NREP: variants seen among roughly 807,000 people sequenced by gnomAD.
The protein encoded by NREP is neuronal regeneration-related protein.
Under a neutral mutation model 8.6 loss-of-function variants are expected in NREP, and 5 were observed. The observed-to-expected ratio is 0.58, with a 90% CI of 0.30 to 1.22. NREP has a LOEUF of 1.22. Among genes scored for constraint, NREP ranks in the 50% most tolerant of loss-of-function variants. The probability of loss-of-function intolerance (pLI) is 0.07; values close to 1 mark genes in which losing one functional copy is unlikely to be tolerated. For missense variants in NREP, 86 were observed against 82.5 expected, an observed-to-expected ratio of 1.04 and a Z score of -0.17; for synonymous variants, 27 against 28.0, an observed-to-expected ratio of 0.96 and a Z score of 0.11.
intron 2 of NREP, among the ~76,000 whole-genome samples, chr5:111,768,478 C>T (rs1751137467): frequency 6.6e-6 from 1 of 152,164 alleles, no homozygotes; most frequent in African/African-American, 2.4e-5. Flanking sequence ...GTAATGAGCA[C>T]AGTACCTTAA....
intron 2 of NREP, among the ~76,000 whole-genome samples, chr5:111,798,343 G>A (rs1458362515): frequency 6.6e-6 from 1 of 152,006 alleles, no homozygotes; most frequent in Non-Finnish European, 1.5e-5. Context: ...ATAATTTCCT[G>A]GAAAATTTGG....
intron 2 of NREP, among the ~76,000 whole-genome samples, chr5:111,801,512 T>G (rs1752007379): frequency 6.6e-6 from 1 of 152,220 alleles, no homozygotes; most frequent in African/African-American, 2.4e-5. Context: ...TTCCTTTTCT[T>G]TTCAGTCCTT....
chr5:111,844,621 T>G (rs1226436596), intron 2 of NREP, among the ~76,000 whole-genome samples: 1 of 148,144 alleles, frequency 6.8e-6, no homozygotes, highest in Non-Finnish European at 1.5e-5. Context: ...TCTTGAATAT[T>G]TAGTTGATAT....
At chr5:111,790,116 T>A (rs183233864) in intron 2 of NREP, among the ~76,000 whole-genome samples, 1 of 152,266 alleles carries the variant, frequency 6.6e-6, no homozygotes, top group Admixed American at 6.5e-5. Context: ...AGACCATAGT[T>A]AATTCAAAAT....
At chr5:111,904,295 A>T (rs191719227) in intron 2 of NREP, among the ~76,000 whole-genome samples, 1 of 152,158 alleles carries the variant, frequency 6.6e-6, no homozygotes, top group African/African-American at 2.4e-5. Context: ...AATGTCACAT[A>T]TCTATCATGG....
intron 2 of NREP, among the ~76,000 whole-genome samples, chr5:111,811,016 A>C (rs1038795409): frequency 6.6e-6 from 1 of 152,234 alleles, no homozygotes; most frequent in East Asian, 1.9e-4. Flanking sequence ...GGAGCTTTAC[A>C]TGAAGTAATT....
At chr5:111,871,053 C>T (rs1179411378) in intron 2 of NREP, among the ~76,000 whole-genome samples, 9 of 142,610 alleles carry the variant, frequency 6.3e-5, no homozygotes, top group South Asian at 2.3e-4. Context: ...GAACCAATGG[C>T]GTGTGTGTGT....
intron 2 of NREP, among the ~76,000 whole-genome samples, chr5:111,797,251 C>G (rs1161743306): frequency 1.3e-5 from 2 of 152,090 alleles, no homozygotes; most frequent in African/African-American, 2.4e-5. Flanking sequence ...ATGCAAGTGT[C>G]AGAGAAAAAA....
In NREP at chr5:111,881,721, G is replaced by C. The variant is rs907054430; in HGVS notation, c.135+93553C>G. On this transcript the variant is annotated intron_variant, in intron 2 of 3. Coordinates refer to the NREP transcript ENST00000395634. ...CCTCTGCAGATACCCCGGCAAACAG[G>C]GTCTGGAGTGGACCTCTAGCAAACT... 3.9e-5 allele frequency among the ~76,000 whole-genome samples: 6 copies of C among 152,218 alleles called. No individual in the cohort carries two copies. In the South Asian group the frequency reaches 8.3e-4, roughly 21 times the overall value.
At chr5:111,753,684 A>C (rs76323092) in intron 2 of NREP, among the ~76,000 whole-genome samples, 7,228 of 152,140 alleles carry the variant, frequency 0.048, 244 homozygotes, top group Non-Finnish European at 0.064. Context: ...AGCCATGCTT[A>C]TGTATTTTCT....
At chr5:111,820,638 T>C (rs554550682) in intron 2 of NREP, among the ~76,000 whole-genome samples, 1 of 152,264 alleles carries the variant, frequency 6.6e-6, no homozygotes, top group South Asian at 2.1e-4. Flanking sequence ...TGTTACATTA[T>C]TGTTAGTGCT....
intron 2 of NREP, among the ~76,000 whole-genome samples, chr5:111,909,288 A>C (rs1754849777): frequency 6.6e-6 from 1 of 152,096 alleles, no homozygotes; most frequent in Non-Finnish European, 1.5e-5. Flanking sequence ...AAGAAGTCTA[A>C]GATGGTGCAA....
chr5:111,890,934 A>T (rs947052320), intron 2 of NREP, among the ~76,000 whole-genome samples: 8 of 152,136 alleles, frequency 5.3e-5, no homozygotes, highest in African/African-American at 1.9e-4. Context: ...CCTCCTTTTT[A>T]ATTATGCAAA....
At chr5:111,750,779 G>A (rs1453838904) in intron 2 of NREP, among the ~76,000 whole-genome samples, 4 of 152,206 alleles carry the variant, frequency 2.6e-5, no homozygotes, top group African/African-American at 9.6e-5. Flanking sequence ...AAAAGCTGCT[G>A]TGAGCTTTAA....
chr5:111,735,074 A>G (rs916250548), intron 3 of NREP: 5 of 325,804 alleles, frequency 1.5e-5, no homozygotes, highest in African/African-American at 1.1e-4. Flanking sequence ...AGACTTCATT[A>G]GCAGACAATT....
chr5:111,737,160 A>G (rs1285803002), intron 2 of NREP, among the ~76,000 whole-genome samples: 1 of 152,134 alleles, frequency 6.6e-6, no homozygotes, highest in Non-Finnish European at 1.5e-5. Flanking sequence ...GTAATCCACC[A>G]TCTGCCTTGT....
chr5:111,961,563 G>GT (rs1756481051), intron 2 of NREP, among the ~76,000 whole-genome samples: 1 of 152,052 alleles, frequency 6.6e-6, no homozygotes, highest in South Asian at 2.1e-4. Context: ...ACTTCAAAGG[G>GT]TTTTTATATG....
chr5:111,930,698 T>C lies in NREP; in HGVS notation c.135+44576A>G, dbSNP rs531072747. On this transcript the variant is annotated intron_variant, in intron 2 of 3. Transcript: ENST00000395634. Reference sequence around the variant, plus strand: ...TCTCTCCTTGTAAAGGGAACTCTAATTTGTTTTAGTGTCCTTCAGCACAGC... The same window carrying C: ...TCTCTCCTTGTAAAGGGAACTCTAACTTGTTTTAGTGTCCTTCAGCACAGC... 3.3e-5 allele frequency among the ~76,000 whole-genome samples: 5 copies of C among 152,264 alleles called. No individual in the cohort carries two copies. In the East Asian group the frequency reaches 9.7e-4, roughly 29 times the overall value.
intron 2 of NREP, among the ~76,000 whole-genome samples, chr5:111,967,801 A>T (rs1756687652): frequency 6.6e-6 from 1 of 152,202 alleles, no homozygotes; most frequent in Non-Finnish European, 1.5e-5. Flanking sequence ...TTTAAAAAAA[A>T]AAAGAAGATC....
Sources: gnomAD v4.1 joint callset for allele counts (sites outside exome capture counted in the v4.1 genomes callset) on GRCh38, gnomAD v4.1.1 for gene constraint, MANE v1.5 for transcripts, NCBI Gene and HGNC (gene_info 2026-07-23, HGNC 2026-07-21) for gene names.